The following TNFRSF10B variants were observed in gnomAD, a reference collection of about 807,000 sequenced individuals.
TNFRSF10B encodes tumor necrosis factor receptor superfamily member 10B.
Under a neutral mutation model 41.4 loss-of-function variants are expected in TNFRSF10B, and 35 were observed. The ratio of observed to expected loss-of-function variants is 0.85; its 90% CI spans 0.65 to 1.12. The LOEUF (loss-of-function observed/expected upper bound fraction) is 1.12. Ranked by LOEUF, TNFRSF10B falls within the 50% of genes most tolerant of loss-of-function variation. The pLI, the probability that TNFRSF10B is intolerant of heterozygous loss-of-function variation, is 0.00. For missense variants in TNFRSF10B, 584 were observed against 552.7 expected (o/e 1.06, Z -0.57); for synonymous variants, 230 against 215.5 (o/e 1.07, Z -0.59).
chr8:23,040,635 C>T (rs1283042318), intron 2 of TNFRSF10B, among the ~76,000 whole-genome samples: 3 of 151,348 alleles, frequency 2.0e-5, no homozygotes, highest in Non-Finnish European at 4.4e-5. Context: ...AACTGAAGAG[C>T]AGAAACAAAT....
At chr8:23,026,979 C>G (rs1216351685) in intron 7 of TNFRSF10B, among the ~76,000 whole-genome samples, 154 bp downstream of exon 7, 1 of 152,208 alleles carries the variant, frequency 6.6e-6, no homozygotes, top group Non-Finnish European at 1.5e-5. Context: ...CGGTCACCAC[C>G]TCAGTGCAGC....
intron 1 of TNFRSF10B, among the ~76,000 whole-genome samples, chr8:23,058,640 A>ACC (rs1812738904): frequency 6.6e-6 from 1 of 151,922 alleles, no homozygotes; most frequent in African/African-American, 2.4e-5. Context: ...CATGCATCAC[A>ACC]ATGCCCAGCT....
chr8:23,031,759 T>G (rs1221264314), intron 2 of TNFRSF10B, among the ~76,000 whole-genome samples: 1 of 152,144 alleles, frequency 6.6e-6, no homozygotes, highest in Non-Finnish European at 1.5e-5. Flanking sequence ...AAATTAATGT[T>G]AATAATGCAT....
At chr8:23,039,204 C>T (rs905342270) in intron 2 of TNFRSF10B, among the ~76,000 whole-genome samples, 1 of 151,970 alleles carries the variant, frequency 6.6e-6, no homozygotes, top group East Asian at 1.9e-4. Flanking sequence ...ATGCAGAGCT[C>T]GGGCAGTAAT....
chr8:23,024,308 A>G, intron 7 of TNFRSF10B, 48 bp from the exon 8 acceptor site: 1 of 1,609,798 alleles, frequency 6.2e-7, no homozygotes, highest in Non-Finnish European at 8.5e-7. Flanking sequence ...GGAGTCCTAC[A>G]GTCCAGTACT....
rs1329718657 is a variant in TNFRSF10B at position 23,023,108 on chromosome 8, G to A, written c.1010-124C>T. 5.6e-6 allele frequency: 7 copies of A among 1,244,892 alleles called. No homozygotes were observed. The East Asian group carries it at 7.6e-5, about 13-fold the overall frequency. 77.1% of individuals were successfully genotyped at this position (1,244,892 alleles called of 1,614,324 possible). A position where few individuals can be genotyped will look rare whatever the true frequency, so the allele number is the denominator to read the frequency against. On this transcript the variant is annotated intron_variant, in intron 8 of 8. Transcript: ENST00000276431. ...AGCCCCGTGTGCGGGCAAACCTGCC[G>A]CTCCAGTGCCCACCCGCTTCCCATC...
intron 1 of TNFRSF10B, among the ~76,000 whole-genome samples, chr8:23,047,762 T>C (rs1188457485): frequency 6.6e-6 from 1 of 152,190 alleles, no homozygotes. Context: ...GGTGGGAATG[T>C]AAATTAGTAC....
Position 23,027,773 on chromosome 8 carries a change from C to T in TNFRSF10B, c.749-20G>A. 1 of 1,613,992 alleles carries T rather than the reference C, an allele frequency of 6.2e-7. No individual in the cohort carries two copies. Among genetic ancestry groups the T allele is most frequent in the East Asian group, 2.2e-5 (1 of 44,854 alleles). On this transcript the variant is annotated intron_variant, in intron 5 of 8. Transcript: ENST00000276431. ...CACCACCTAAAAAAGAAGCAGTCTC[C>T]TTAGCAGGAAGGGAGGGGCCCATGA...
At chr8:23,047,580 G>T (rs1283460287) in intron 1 of TNFRSF10B, among the ~76,000 whole-genome samples, 2 of 151,578 alleles carry the variant, frequency 1.3e-5, no homozygotes, top group Admixed American at 1.3e-4. Context: ...CACACAAATG[G>T]TCAACAGATA....
intron 1 of TNFRSF10B, among the ~76,000 whole-genome samples, chr8:23,055,683 G>A (rs1812644015): frequency 6.6e-6 from 1 of 152,042 alleles, no homozygotes; most frequent in South Asian, 2.1e-4. Context: ...TTTATTGGGG[G>A]TTTTGAAGAA....
intron 1 of TNFRSF10B, among the ~76,000 whole-genome samples, chr8:23,054,273 C>T (rs890790452): frequency 9.2e-5 from 14 of 152,192 alleles, no homozygotes; most frequent in African/African-American, 3.4e-4. Context: ...TAATAGGAGA[C>T]TGAAGTGATC....
chr8:23,051,638 G>T (rs7826165), intron 1 of TNFRSF10B, among the ~76,000 whole-genome samples: 3 of 151,550 alleles, frequency 2.0e-5, no homozygotes, highest in Non-Finnish European at 2.9e-5. Context: ...TCTGCCTCCC[G>T]GGTTCACGCC....
At chr8:23,036,324 C>A (rs1812028796) in intron 2 of TNFRSF10B, among the ~76,000 whole-genome samples, 1 of 152,182 alleles carries the variant, frequency 6.6e-6, no homozygotes, top group South Asian at 2.1e-4. Flanking sequence ...CCTGAAGGCA[C>A]AAGAAAGTTA....
chr8:23,058,850 A>C (rs1335402078), intron 1 of TNFRSF10B, among the ~76,000 whole-genome samples: 1 of 152,200 alleles, frequency 6.6e-6, no homozygotes, highest in Non-Finnish European at 1.5e-5. Context: ...TGACTAAAAT[A>C]AATGCTGTTT....
intron 2 of TNFRSF10B, among the ~76,000 whole-genome samples, chr8:23,031,195 C>T (rs1004232052): frequency 1.7e-4 from 26 of 151,404 alleles, no homozygotes; most frequent in African/African-American, 6.1e-4. Flanking sequence ...CCTGGCTCAG[C>T]CTCCTGAGTA....
chr8:23,059,747 C>T (rs533473454), intron 1 of TNFRSF10B, among the ~76,000 whole-genome samples: 2 of 152,190 alleles, frequency 1.3e-5, no homozygotes, highest in East Asian at 1.9e-4. Context: ...CTCCTGACCT[C>T]GTGATCCGCC....
chr8:23,040,954 T>C (rs1812178253), intron 2 of TNFRSF10B, among the ~76,000 whole-genome samples: 1 of 152,164 alleles, frequency 6.6e-6, no homozygotes, highest in Admixed American at 6.5e-5. Context: ...TAATGTGTCT[T>C]CCTCACTCTC....
chr8:23,052,123 TTAGA>T (rs1248637245), intron 1 of TNFRSF10B, among the ~76,000 whole-genome samples: 1 of 152,046 alleles, frequency 6.6e-6, no homozygotes, highest in African/African-American at 2.4e-5. Context: ...AAATAAATAA[TTAGA>T]TAAATGTAAT....
intron 1 of TNFRSF10B, among the ~76,000 whole-genome samples, chr8:23,067,559 T>C (rs1813026306): frequency 6.6e-6 from 1 of 151,990 alleles, no homozygotes; most frequent in African/African-American, 2.4e-5. Context: ...AGAGGCAAGA[T>C]GCCCTGGGGA....
Sources: gnomAD v4.1 joint callset for allele counts (sites outside exome capture counted in the v4.1 genomes callset) on GRCh38, gnomAD v4.1.1 for gene constraint, MANE v1.5 for transcripts, NCBI Gene and HGNC (gene_info 2026-07-23, HGNC 2026-07-21) for gene names.